Variants in CPEB1 observed in about 807,000 individuals in gnomAD.
CPEB1 encodes cytoplasmic polyadenylation element-binding protein 1.
CPEB1 carries 7 observed loss-of-function variants against 65.8 expected under a neutral mutation model. That is an observed-to-expected ratio of 0.11 (90% CI 0.06 to 0.20). The LOEUF is 0.20. Ranked by LOEUF, CPEB1 falls within the 10% of genes least tolerant of loss-of-function variation. The pLI is 1.00. For synonymous variants in CPEB1, 262 were observed against 260.0 expected (o/e 1.01, Z -0.08); for missense variants, 551 against 712.2 (o/e 0.77, Z 2.58).
chr15:82,605,481 CTATAGTTG>C (rs1449785306), intron 3 of CPEB1, among the ~76,000 whole-genome samples: 1 of 151,922 alleles, frequency 6.6e-6, no homozygotes, highest in Non-Finnish European at 1.5e-5. Flanking sequence ...ATGACGGTAA[CTATAGTTG>C]TATAGTTGTA....
intron 1 of CPEB1, among the ~76,000 whole-genome samples, chr15:82,636,168 A>C (rs551480430): frequency 4.3e-4 from 66 of 152,284 alleles, no homozygotes; most frequent in African/African-American, 1.4e-3. Flanking sequence ...ATTCATTGCC[A>C]ATTTCTTCTG....
intron 3 of CPEB1, among the ~76,000 whole-genome samples, chr15:82,618,401 A>T (rs2044967479): frequency 1.3e-5 from 2 of 149,832 alleles, no homozygotes. Context: ...GTATGTATGT[A>T]TATATGAGAC....
In CPEB1 at chr15:82,643,272, G is replaced by C. The variant is rs587651997; in HGVS notation, c.-98+3865C>G. On this transcript the variant is annotated intron_variant, in intron 1 of 12. Transcript: ENST00000684509. Reference sequence around the variant, plus strand: ...AGAAAGCTATCTAGCTTGTGTCTGAGTTTACATTCTCACAGAAAAAAATTC... The same window carrying C: ...AGAAAGCTATCTAGCTTGTGTCTGACTTTACATTCTCACAGAAAAAAATTC... 5.9e-5 allele frequency among the ~76,000 whole-genome samples: 9 copies of C among 152,248 alleles called. No homozygotes were observed. The East Asian group carries it at 1.7e-3, about 29-fold the overall frequency.
intron 12 of CPEB1, 34 bp downstream of exon 12, chr15:82,546,407 T>C (rs1395153782): frequency 6.3e-7 from 1 of 1,578,080 alleles, no homozygotes; most frequent in Non-Finnish European, 8.7e-7. Context: ...CAATTTTTAA[T>C]AGAGGGCAGG....
intron 3 of CPEB1, among the ~76,000 whole-genome samples, chr15:82,621,477 CA>C (rs2045297599): frequency 6.6e-6 from 1 of 151,976 alleles, no homozygotes; most frequent in African/African-American, 2.4e-5. Flanking sequence ...CAAAATTAGC[CA>C]GGGGTGGTGG....
intron 1 of CPEB1, among the ~76,000 whole-genome samples, chr15:82,644,859 C>G (rs1034485259): frequency 6.6e-6 from 1 of 152,228 alleles, no homozygotes; most frequent in Admixed American, 6.5e-5. Context: ...ATCATTTGGT[C>G]ACTAGTTAAG....
chr15:82,584,677 CAAAA>C (rs11320676), intron 3 of CPEB1, among the ~76,000 whole-genome samples: 1 of 83,692 alleles, frequency 1.2e-5, no homozygotes, highest in Admixed American at 1.3e-4. Context: ...GAGACTCCAT[CAAAA>C]AAAAAAAAAA....
intron 1 of CPEB1, among the ~76,000 whole-genome samples, chr15:82,644,723 TTCC>T (rs1434931714): frequency 1.3e-5 from 2 of 152,320 alleles, no homozygotes; most frequent in South Asian, 2.1e-4. Context: ...TTACCTTTCT[TTCC>T]TCCTCCTTTG....
At position 82,549,518 on chromosome 15, in the gene CPEB1, G is replaced by A. The variant is rs529794708; in HGVS notation, c.1422C>T (p.Asp474=). Residue 474 remains aspartate, a synonymous_variant, in exon 10 of 13, where the codon GAC becomes GAT. Coordinates refer to ENST00000684509, the MANE Select transcript of CPEB1 (RefSeq NM_001365242.1). ...NAEALAAILN[D]LFGGVVYAGI... is the part of the protein sequence containing the mutation. ...CGGCATACACCACTCCACCAAATAG[G>A]TCGTTCAAGATGGCTGCCAGGGCCT... 1 of 1,614,188 alleles carries A rather than the reference G, an allele frequency of 6.2e-7. No individual in the cohort carries two copies. The highest frequency in any genetic ancestry group is 2.2e-5 in the East Asian group (1 of 44,880).
intron 3 of CPEB1, among the ~76,000 whole-genome samples, chr15:82,592,626 G>GT (rs1333521370): frequency 6.6e-6 from 1 of 151,616 alleles, no homozygotes; most frequent in East Asian, 1.9e-4. Context: ...TATTAAATGT[G>GT]TAATAGCATT....
chr15:82,628,582 T>C (rs565116852), intron 1 of CPEB1, 26 bp from the exon 2 acceptor site: 24 of 609,574 alleles, frequency 3.9e-5, no homozygotes, highest in Non-Finnish European at 6.7e-5. Flanking sequence ...GAATTAGGAT[T>C]GGTACCACAT....
At chr15:82,578,013 G>A (rs2040853799) in intron 3 of CPEB1, among the ~76,000 whole-genome samples, 1 of 152,112 alleles carries the variant, frequency 6.6e-6, no homozygotes, top group Admixed American at 6.5e-5. Flanking sequence ...GGTGGCAGGT[G>A]CCTGCAGTCC....
chr15:82,585,844 G>A (rs1001682321), intron 3 of CPEB1, among the ~76,000 whole-genome samples: 65 of 152,060 alleles, frequency 4.3e-4, no homozygotes, highest in African/African-American at 1.5e-3. Flanking sequence ...TGTGAACACT[G>A]TTACCAACAC....
At chr15:82,630,447 A>T (rs1019365060) in intron 1 of CPEB1, among the ~76,000 whole-genome samples, 2 of 152,130 alleles carry the variant, frequency 1.3e-5, no homozygotes, top group Admixed American at 1.3e-4. Flanking sequence ...TCTACAAAAA[A>T]TACAAAACAT....
At chr15:82,577,963 A>AC (rs1257518667) in intron 3 of CPEB1, among the ~76,000 whole-genome samples, 2 of 151,802 alleles carry the variant, frequency 1.3e-5, no homozygotes, top group African/African-American at 4.8e-5. Flanking sequence ...ACACGGTGAA[A>AC]CCCCGTCTCT....
intron 1 of CPEB1, among the ~76,000 whole-genome samples, chr15:82,635,195 C>G (rs1418363410): frequency 6.6e-6 from 1 of 152,146 alleles, no homozygotes; most frequent in African/African-American, 2.4e-5. Flanking sequence ...AACAAAATTT[C>G]TATAGCACGG....
intron 3 of CPEB1, among the ~76,000 whole-genome samples, chr15:82,574,563 C>G (rs1474251722): frequency 1.3e-5 from 2 of 151,442 alleles, no homozygotes; most frequent in African/African-American, 2.4e-5. Context: ...ACTAAAAATA[C>G]AAAAAACATT....
At chr15:82,573,327 G>A in intron 3 of CPEB1, 1 of 668,412 alleles carries the variant, frequency 1.5e-6, no homozygotes, top group Non-Finnish European at 2.4e-6. Flanking sequence ...ATCTGTGTTT[G>A]TCAAAGCCTT....
intron 3 of CPEB1, 43 bp from the exon 4 acceptor site, chr15:82,571,575 C>A: frequency 6.3e-7 from 1 of 1,577,132 alleles, no homozygotes; most frequent in Non-Finnish European, 8.6e-7. Flanking sequence ...GAGTTAAGGG[C>A]TGTTTTCCCC....
Sources: allele counts gnomAD v4.1 joint callset (sites outside exome capture counted in the v4.1 genomes callset), GRCh38; gene constraint gnomAD v4.1.1; transcripts MANE v1.5; gene names NCBI Gene and HGNC (gene_info 2026-07-23, HGNC 2026-07-21).